The following TNIK variants were observed in gnomAD, a reference collection of about 807,000 sequenced individuals.
TNIK encodes TRAF2 and NCK interacting kinase, also known as TRAF2 and NCK-interacting protein kinase.
Under a neutral mutation model 191.3 loss-of-function variants are expected in TNIK, and 49 were observed. The ratio of observed to expected loss-of-function variants is 0.26; its 90% CI spans 0.20 to 0.32. The LOEUF (loss-of-function observed/expected upper bound fraction) is 0.32, where lower values mean the gene tolerates loss of function less well. TNIK is among the 10% of genes least tolerant of loss of function. TNIK has a pLI of 1.00. For synonymous variants in TNIK, 594 were observed against 600.9 expected, an observed-to-expected ratio of 0.99 and a Z score of 0.17; for missense variants, 1,155 against 1,702.3, an observed-to-expected ratio of 0.68 and a Z score of 5.66.
intron 18 of TNIK, among the ~76,000 whole-genome samples, chr3:171,119,443 A>G (rs1478702614): frequency 6.6e-6 from 1 of 152,230 alleles, no homozygotes; most frequent in Non-Finnish European, 1.5e-5. Flanking sequence ...ATTACTGGGT[A>G]TATACCCAAA....
chr3:171,398,264 G>A (rs1181008996), intron 1 of TNIK, among the ~76,000 whole-genome samples: 1 of 152,144 alleles, frequency 6.6e-6, no homozygotes, highest in Non-Finnish European at 1.5e-5. Flanking sequence ...AGTTTCCACT[G>A]TGTAGTTCCA....
chr3:171,362,070 T>G (rs1715063763), intron 2 of TNIK, among the ~76,000 whole-genome samples: 1 of 152,210 alleles, frequency 6.6e-6, no homozygotes, highest in African/African-American at 2.4e-5. Flanking sequence ...TTATGCTACC[T>G]GAAGAAGAAA....
At chr3:171,291,810 A>T (rs533771573) in intron 2 of TNIK, among the ~76,000 whole-genome samples, 1 of 152,130 alleles carries the variant, frequency 6.6e-6, no homozygotes, top group Non-Finnish European at 1.5e-5. Flanking sequence ...TCATTATCTC[A>T]TCAATATTTT....
At chr3:171,238,507 G>A (rs1398631788) in intron 2 of TNIK, among the ~76,000 whole-genome samples, 2 of 152,022 alleles carry the variant, frequency 1.3e-5, no homozygotes, top group Non-Finnish European at 2.9e-5. Flanking sequence ...GACATCTGAT[G>A]TTGTCTGGAG....
At chr3:171,339,766 G>A (rs1046881953) in intron 2 of TNIK, among the ~76,000 whole-genome samples, 1 of 152,184 alleles carries the variant, frequency 6.6e-6, no homozygotes, top group Non-Finnish European at 1.5e-5. Context: ...ACCAGAATCC[G>A]GTCTGTTGCT....
intron 2 of TNIK, among the ~76,000 whole-genome samples, chr3:171,353,885 C>T (rs1395816014): frequency 6.6e-6 from 1 of 152,152 alleles, no homozygotes; most frequent in East Asian, 1.9e-4. Flanking sequence ...CCTGGTACTT[C>T]TTCAGAGTTA....
intron 21 of TNIK, among the ~76,000 whole-genome samples, chr3:171,104,142 A>G (rs1196382237): frequency 6.6e-6 from 1 of 152,130 alleles, no homozygotes; most frequent in East Asian, 1.9e-4. Flanking sequence ...AGGTAAAAAT[A>G]ATGAATAATT....
chr3:171,079,372 T>A, intron 28 of TNIK, 146 bp downstream of exon 28: 1 of 960,076 alleles, frequency 1.0e-6, no homozygotes, highest in Non-Finnish European at 1.4e-6. Context: ...TTTTAAAAAA[T>A]ATAAATAATG....
rs1721182253 is a variant in TNIK, at chr3:171,085,163, A to T, written c.2953T>A (p.Ser985Thr). The T allele has an allele frequency of 6.2e-7, 1 of 1,611,728 alleles. No individual in the cohort carries two copies. The highest frequency in any genetic ancestry group is 1.7e-5 in the Admixed American group (1 of 59,784). Residue 985 changes from serine to threonine, a missense_variant, in exon 25 of 33, where the codon TCT becomes ACT. Around this residue, in one of 3 missense-constraint regions of TNIK, gnomAD observed 735 missense variants for 848.0 expected, o/e 0.87. Transcript: ENST00000436636. ...PFVDPRVYQTSPTDEDEEDEE... is the reference protein window; with the variant it reads ...PFVDPRVYQTTPTDEDEEDEE... The stretch of plus-strand genomic sequence containing the variant: ...TCCTCTTCATCTTCATCAGTGGGAG[A>T]CGTCTGGTATACTCTGGGGTCCACA...
chr3:171,415,342 A>G (rs1722916829), intron 1 of TNIK, among the ~76,000 whole-genome samples: 1 of 152,196 alleles, frequency 6.6e-6, no homozygotes, highest in African/African-American at 2.4e-5. Context: ...CAGCACTGGA[A>G]TGTAAGATCT....
At chr3:171,139,605 A>C in intron 13 of TNIK, 49 bp from the exon 14 acceptor site, 1 of 1,589,800 alleles carries the variant, frequency 6.3e-7, no homozygotes, top group Non-Finnish European at 8.6e-7. Context: ...AGAAAGAGAG[A>C]AATGAACCAG....
At chr3:171,394,759 T>C (rs1720009562) in intron 1 of TNIK, among the ~76,000 whole-genome samples, 1 of 152,260 alleles carries the variant, frequency 6.6e-6, no homozygotes, top group East Asian at 1.9e-4. Flanking sequence ...CTTTCCATTC[T>C]ATAATTTTGT....
Position 171,324,894 on chromosome 3 carries a change from C to G in TNIK, c.123+44726G>C, listed in dbSNP as rs972772492. On this transcript the variant is annotated intron_variant, in intron 2 of 32. Transcript: ENST00000436636. ...CGGGCGGATCACGAGGTCAGGAGAT[C>G]GAGACCATCCTGGCTAACATGGTGA... Among the ~76,000 whole-genome samples, 3 of 151,888 alleles carry G rather than the reference C, an allele frequency of 2.0e-5. No individual in the cohort carries two copies. In the East Asian group the frequency reaches 5.8e-4, roughly 29 times the overall value.
At chr3:171,442,237 A>T (rs1416505855) in intron 1 of TNIK, among the ~76,000 whole-genome samples, 1 of 152,214 alleles carries the variant, frequency 6.6e-6, no homozygotes, top group Non-Finnish European at 1.5e-5. Context: ...TTATTTTTTT[A>T]AATCTGATGC....
At chr3:171,131,660 G>A (rs140301281) in intron 15 of TNIK, among the ~76,000 whole-genome samples, 7 of 152,330 alleles carry the variant, frequency 4.6e-5, no homozygotes, top group African/African-American at 1.7e-4. Context: ...AGAAAAGGGT[G>A]TAACGATGAG....
At chr3:171,373,130 T>C (rs1716747099) in intron 1 of TNIK, among the ~76,000 whole-genome samples, 1 of 152,208 alleles carries the variant, frequency 6.6e-6, no homozygotes, top group South Asian at 2.1e-4. Context: ...TTGAACAGTA[T>C]AAGCATTTAG....
chr3:171,066,361 C>T lies in TNIK; in HGVS notation c.3860-35G>A, dbSNP rs1349444425. On this transcript the variant is annotated intron_variant, in intron 31 of 32. Coordinates refer to ENST00000436636, the MANE Select transcript of TNIK (RefSeq NM_015028.4). ...GGAATTTCCAAAACTGCATTAAAAA[C>T]ATTAGATGGGCAATAACTCACAGCA... 4 of 1,598,452 alleles carry T rather than the reference C, an allele frequency of 2.5e-6. No homozygotes were observed. In the East Asian group the frequency reaches 6.8e-5, roughly 27 times the overall value.
chr3:171,080,234 T>G (rs1720494148), intron 27 of TNIK, among the ~76,000 whole-genome samples: 1 of 152,170 alleles, frequency 6.6e-6, no homozygotes, highest in South Asian at 2.1e-4. Flanking sequence ...AATAAAGAAT[T>G]CATAGGATGA....
chr3:171,389,829 A>T (rs1719228744), intron 1 of TNIK, among the ~76,000 whole-genome samples: 1 of 152,186 alleles, frequency 6.6e-6, no homozygotes, highest in African/African-American at 2.4e-5. Flanking sequence ...GAGCATCAAG[A>T]CATAAAAGCC....
Sources: gnomAD v4.1 joint callset for allele counts (sites outside exome capture counted in the v4.1 genomes callset) on GRCh38, gnomAD v4.1.1 for gene constraint, gnomAD v4.1.1 regional missense constraint, MANE v1.5 for transcripts, NCBI Gene and HGNC (gene_info 2026-07-23, HGNC 2026-07-21) for gene names.